Variants in DNAJC1 observed in about 807,000 individuals in gnomAD.
DNAJC1 encodes the protein DnaJ heat shock protein family (Hsp40) member C1, also known as dnaJ homolog subfamily C member 1.
In DNAJC1, 58 loss-of-function variants were observed where a neutral mutation model predicts 76.6. The observed-to-expected ratio is 0.76, with a 90% CI of 0.61 to 0.94. The LOEUF (loss-of-function observed/expected upper bound fraction) is 0.94. DNAJC1 is among the 40% of genes least tolerant of loss of function. The pLI is 0.00. For synonymous variants in DNAJC1, 258 were observed against 267.9 expected (o/e 0.96, Z 0.36); for missense variants, 689 against 677.3 (o/e 1.02, Z -0.19).
At chr10:21,874,269 C>T (rs113228684) in intron 8 of DNAJC1, among the ~76,000 whole-genome samples, 1,900 of 152,022 alleles carry the variant, frequency 0.012, 37 homozygotes, top group African/African-American at 0.043. Flanking sequence ...AATAAATTAG[C>T]CAAGCTTGGT....
At chr10:21,973,849 T>C (rs1217645791) in intron 1 of DNAJC1, among the ~76,000 whole-genome samples, 1 of 152,002 alleles carries the variant, frequency 6.6e-6, no homozygotes, top group Non-Finnish European at 1.5e-5. Flanking sequence ...ACACCTGTAA[T>C]CCTAGCACTC....
Position 21,920,979 on chromosome 10 carries a change from A to G in DNAJC1, c.372-16T>C. On this transcript the variant is annotated splice_polypyrimidine_tract_variant and intron_variant, in intron 3 of 11. Coordinates refer to ENST00000376980, the MANE Select transcript of DNAJC1 (RefSeq NM_022365.4). ...ATCATCATACCTACAGTACAAATATAACAGTTTTTCACGGGGAGTTTAAAA... is the reference window on the plus strand; with the variant it reads ...ATCATCATACCTACAGTACAAATATGACAGTTTTTCACGGGGAGTTTAAAA... 6.6e-7 allele frequency: 1 copy of G among 1,525,518 alleles called. No homozygotes were observed. The highest frequency in any genetic ancestry group is 8.8e-7 in the Non-Finnish European group (1 of 1,132,490). 94.5% of individuals were successfully genotyped at this position (1,525,518 alleles called of 1,614,324 possible). A position where few individuals can be genotyped will look rare whatever the true frequency, so the allele number is the denominator to read the frequency against.
intron 1 of DNAJC1, among the ~76,000 whole-genome samples, chr10:21,965,914 T>C (rs1438406360): frequency 1.3e-5 from 2 of 152,254 alleles, no homozygotes; most frequent in Non-Finnish European, 2.9e-5. Flanking sequence ...TCATGGGGTC[T>C]GGATCAGGTA....
At chr10:22,002,479 GA>G (rs201371787) in intron 1 of DNAJC1, among the ~76,000 whole-genome samples, 19 of 150,604 alleles carry the variant, frequency 1.3e-4, no homozygotes, top group South Asian at 4.2e-4. Flanking sequence ...AGGAAAAGGG[GA>G]AAAAAAAACC....
chr10:21,879,852 T>C (rs533596467), intron 8 of DNAJC1, among the ~76,000 whole-genome samples: 1 of 152,272 alleles, frequency 6.6e-6, no homozygotes, highest in South Asian at 2.1e-4. Context: ...GGGGTGGTGG[T>C]TGGTAAAGGT....
chr10:21,801,835 T>C (rs1322369632), intron 9 of DNAJC1, among the ~76,000 whole-genome samples: 2 of 152,118 alleles, frequency 1.3e-5, no homozygotes, highest in Admixed American at 6.6e-5. Flanking sequence ...ATGTCTTTTG[T>C]GGGAACATAA....
chr10:21,817,563 T>C (rs984778268), intron 8 of DNAJC1, among the ~76,000 whole-genome samples: 1 of 152,124 alleles, frequency 6.6e-6, no homozygotes, highest in Non-Finnish European at 1.5e-5. Context: ...ATGTAATGAT[T>C]TTCTTAAGAC....
chr10:21,960,972 G>A (rs1356541360), intron 1 of DNAJC1, among the ~76,000 whole-genome samples: 3 of 152,266 alleles, frequency 2.0e-5, no homozygotes, highest in East Asian at 3.9e-4. Context: ...TAGCCATGAA[G>A]TATATGAAAA....
intron 1 of DNAJC1, among the ~76,000 whole-genome samples, chr10:21,983,255 C>T (rs181648809): frequency 7.2e-5 from 11 of 152,084 alleles, no homozygotes; most frequent in South Asian, 2.1e-4. Flanking sequence ...GGTATATACA[C>T]GCAATGGAAT....
rs1339537850 is a variant in DNAJC1 at position 21,908,028 on chromosome 10, TATATA to T, written c.730-3421_730-3417del. 1.8e-3 allele frequency among the ~76,000 whole-genome samples: 69 copies of T among 38,568 alleles called. No homozygotes were observed. In the South Asian group the frequency reaches 0.032, roughly 18 times the overall value. 25.3% of individuals were successfully genotyped at this position (38,568 alleles called of 152,430 possible). A position where few individuals can be genotyped will look rare whatever the true frequency, so the allele number is the denominator to read the frequency against. ...TATTATATATAATAATATATATAAA[TATATA>T]ATATAATATAATATATAAATATATA... On this transcript the variant is annotated intron_variant, in intron 6 of 11. Coordinates refer to ENST00000376980, the MANE Select transcript of DNAJC1 (RefSeq NM_022365.4).
At chr10:21,965,337 G>A (rs980377837) in intron 1 of DNAJC1, among the ~76,000 whole-genome samples, 1 of 152,110 alleles carries the variant, frequency 6.6e-6, no homozygotes, top group African/African-American at 2.4e-5. Flanking sequence ...ATATAGTACA[G>A]TTTCCATATA....
chr10:21,849,000 T>C (rs1354315380), intron 8 of DNAJC1, among the ~76,000 whole-genome samples: 1 of 152,006 alleles, frequency 6.6e-6, no homozygotes, highest in Non-Finnish European at 1.5e-5. Context: ...CTTATAATAG[T>C]AAATGCCAGC....
At chr10:21,827,862 G>C (rs1487757194) in intron 8 of DNAJC1, among the ~76,000 whole-genome samples, 1 of 151,986 alleles carries the variant, frequency 6.6e-6, no homozygotes, top group East Asian at 1.9e-4. Flanking sequence ...TGGACTCTTA[G>C]GTTGTTTAAA....
intron 10 of DNAJC1, among the ~76,000 whole-genome samples, chr10:21,760,876 C>T (rs1368654210): frequency 6.6e-6 from 1 of 152,146 alleles, no homozygotes; most frequent in South Asian, 2.1e-4. Context: ...AATTTAGCTA[C>T]AAAGAGGCAG....
chr10:21,765,532 T>C (rs920492236), intron 10 of DNAJC1, among the ~76,000 whole-genome samples: 5 of 152,166 alleles, frequency 3.3e-5, no homozygotes, highest in African/African-American at 2.4e-5. Flanking sequence ...CCAGTTAATC[T>C]TGGAGGAAAT....
chr10:21,836,889 C>A (rs961000658), intron 8 of DNAJC1, among the ~76,000 whole-genome samples: 1 of 152,046 alleles, frequency 6.6e-6, no homozygotes, highest in Admixed American at 6.5e-5. Context: ...GGAGAGCTCC[C>A]TCTCCCTCTC....
chr10:21,881,408 G>A (rs1275332111), intron 8 of DNAJC1, among the ~76,000 whole-genome samples: 1 of 152,120 alleles, frequency 6.6e-6, no homozygotes, highest in African/African-American at 2.4e-5. Flanking sequence ...CATGCCTTCC[G>A]AACTAAGCTT....
intron 1 of DNAJC1, among the ~76,000 whole-genome samples, chr10:21,948,610 C>T (rs1265646987): frequency 6.6e-6 from 1 of 152,128 alleles, no homozygotes; most frequent in East Asian, 1.9e-4. Flanking sequence ...ATCATATTCA[C>T]GTAACTTTTA....
At chr10:21,856,791 C>G (rs1198412598) in intron 8 of DNAJC1, among the ~76,000 whole-genome samples, 3 of 151,920 alleles carry the variant, frequency 2.0e-5, no homozygotes, top group Non-Finnish European at 1.5e-5. Context: ...GGCTGGAGTG[C>G]AATGGCGCTA....
Sources: allele counts gnomAD v4.1 joint callset (sites outside exome capture counted in the v4.1 genomes callset), GRCh38; gene constraint gnomAD v4.1.1; transcripts MANE v1.5; gene names NCBI Gene and HGNC (gene_info 2026-07-23, HGNC 2026-07-21).